UBE2K: variants seen among roughly 807,000 people sequenced by gnomAD.
UBE2K encodes ubiquitin conjugating enzyme E2 K, also known as ubiquitin-conjugating enzyme E2 K.
UBE2K carries 6 observed loss-of-function variants against 30.0 expected under a neutral mutation model. That is an observed-to-expected ratio of 0.20 (90% CI 0.11 to 0.39). The LOEUF (loss-of-function observed/expected upper bound fraction) is 0.39, where lower values mean the gene tolerates loss of function less well. Among genes scored for constraint, UBE2K ranks in the 10% least tolerant of loss-of-function variants. The probability of loss-of-function intolerance (pLI) is 1.00; values close to 1 mark genes in which losing one functional copy is unlikely to be tolerated. For synonymous variants in UBE2K, 86 were observed against 83.7 expected, an observed-to-expected ratio of 1.03 and a Z score of -0.15; for missense variants, 61 against 241.6, an observed-to-expected ratio of 0.25 and a Z score of 4.96.
intron 4 of UBE2K, among the ~76,000 whole-genome samples, chr4:39,771,530 C>T (rs877075): frequency 0.12 from 18,672 of 152,104 alleles, 1,284 homozygotes; most frequent in East Asian, 0.22. Context: ...AAGCGCCCCC[C>T]ACACACGGGC....
chr4:39,769,213 G>GTTTTTTTTTTTTTTTTGTTTTTTTTTT (rs60471860), intron 4 of UBE2K, among the ~76,000 whole-genome samples: 5 of 128,678 alleles, frequency 3.9e-5, no homozygotes, highest in Non-Finnish European at 6.7e-5. Context: ...GTTTCTTTTT[G>GTTTTTTTTTTTTTTTTGTTTTTTTTTT]TTTTTTTTTT....
intron 3 of UBE2K, among the ~76,000 whole-genome samples, chr4:39,753,303 CTGG>C (rs1190905783): frequency 6.6e-6 from 1 of 152,016 alleles, no homozygotes; most frequent in African/African-American, 2.4e-5. Context: ...TCACCTGAGT[CTGG>C]GAAGTTGAGG....
chr4:39,765,871 G>A (rs1422039767), intron 4 of UBE2K, among the ~76,000 whole-genome samples: 1 of 151,972 alleles, frequency 6.6e-6, no homozygotes, highest in East Asian at 1.9e-4. Context: ...ACTTTGGGAG[G>A]CCGAGGCGGA....
intron 4 of UBE2K, among the ~76,000 whole-genome samples, chr4:39,759,333 A>G (rs535760286): frequency 3.0e-4 from 45 of 152,122 alleles, no homozygotes; most frequent in Non-Finnish European, 5.1e-4. Context: ...CTGGAGTGCA[A>G]TGGTGCCATC....
At position 39,777,824 on chromosome 4, in the gene UBE2K, G is replaced by T; in HGVS notation, c.528+14G>T. 1 of 1,398,500 alleles carries T rather than the reference G, an allele frequency of 7.2e-7. No individual in the cohort carries two copies. Among genetic ancestry groups the T allele is most frequent in the Non-Finnish European group, 9.3e-7 (1 of 1,070,480 alleles). The allele number at this position is 1,398,500 out of a possible 1,614,324, so 86.6% of individuals were successfully genotyped here. A position where few individuals can be genotyped will look rare whatever the true frequency, so the allele number is the denominator to read the frequency against. On this transcript the variant is annotated intron_variant, in intron 6 of 6. Transcript: ENST00000261427. Reference sequence around the variant, plus strand: ...GGCTTTGATAGGGTAAGTACATAAGGGCATGTTGATTTTGATATATTGATT... The same window carrying T: ...GGCTTTGATAGGGTAAGTACATAAGTGCATGTTGATTTTGATATATTGATT...
intron 1 of UBE2K, among the ~76,000 whole-genome samples, chr4:39,717,792 T>G (rs184084663): frequency 1.3e-5 from 2 of 152,174 alleles, no homozygotes; most frequent in African/African-American, 4.8e-5. Flanking sequence ...TTCGGTTGTG[T>G]TCGGAGTTTC....
chr4:39,723,879 C>T lies in UBE2K; in HGVS notation c.64-13541C>T, dbSNP rs546406658. 5.9e-5 allele frequency among the ~76,000 whole-genome samples: 9 copies of T among 152,106 alleles called. No individual in the cohort carries two copies. In the East Asian group the frequency reaches 1.5e-3, roughly 26 times the overall value. ...GCAGGGTGGAGTGCAATGGCACAATCGCGGCTTATTGCTACCTCTGCCTCC... is the reference window on the plus strand; with the variant it reads ...GCAGGGTGGAGTGCAATGGCACAATTGCGGCTTATTGCTACCTCTGCCTCC... On this transcript the variant is annotated intron_variant, in intron 1 of 6. Coordinates refer to ENST00000261427, the MANE Select transcript of UBE2K (RefSeq NM_005339.5).
At chr4:39,752,724 A>T (rs1193951586) in intron 3 of UBE2K, among the ~76,000 whole-genome samples, 1 of 152,214 alleles carries the variant, frequency 6.6e-6, no homozygotes, top group Non-Finnish European at 1.5e-5. Context: ...AATAGTAAAT[A>T]GAGGTTGATT....
intron 4 of UBE2K, among the ~76,000 whole-genome samples, chr4:39,766,618 C>A (rs1712357311): frequency 6.6e-6 from 1 of 152,040 alleles, no homozygotes; most frequent in Non-Finnish European, 1.5e-5. Context: ...GCTGTGTTGC[C>A]CAAGCTGGCA....
At chr4:39,728,818 G>GTTT (rs150967559) in intron 1 of UBE2K, among the ~76,000 whole-genome samples, 6 of 129,906 alleles carry the variant, frequency 4.6e-5, no homozygotes, top group African/African-American at 1.6e-4. Flanking sequence ...GGTTTTTTTT[G>GTTT]TTTTTTTTGT....
At chr4:39,706,993 G>A (rs1057419443) in intron 1 of UBE2K, among the ~76,000 whole-genome samples, 3 of 152,090 alleles carry the variant, frequency 2.0e-5, no homozygotes, top group South Asian at 2.1e-4. Context: ...TGCAGCCTCC[G>A]CCTCCTGGCT....
chr4:39,770,654 C>T, intron 4 of UBE2K: 1 of 1,591,006 alleles, frequency 6.3e-7, no homozygotes, highest in Non-Finnish European at 8.6e-7. Flanking sequence ...AGCAGGCCTT[C>T]ACCACACCCT....
chr4:39,753,727 G>C (rs912325414), intron 3 of UBE2K, among the ~76,000 whole-genome samples: 1 of 152,232 alleles, frequency 6.6e-6, no homozygotes, highest in African/African-American at 2.4e-5. Flanking sequence ...TGAAGGCCCA[G>C]AACAGGGGAA....
At chr4:39,705,485 C>T (rs532527628) in intron 1 of UBE2K, among the ~76,000 whole-genome samples, 4 of 152,146 alleles carry the variant, frequency 2.6e-5, no homozygotes, top group African/African-American at 9.6e-5. Context: ...AGGCGTGAGC[C>T]ACCGTGCCCA....
At chr4:39,730,937 G>A (rs1223771373) in intron 1 of UBE2K, among the ~76,000 whole-genome samples, 1 of 150,022 alleles carries the variant, frequency 6.7e-6, no homozygotes, top group Non-Finnish European at 1.5e-5. Context: ...AGAATTTCAA[G>A]TAGCTGGGAT....
At chr4:39,742,469 G>T (rs1046251583) in intron 2 of UBE2K, among the ~76,000 whole-genome samples, 4 of 152,138 alleles carry the variant, frequency 2.6e-5, no homozygotes, top group Non-Finnish European at 5.9e-5. Flanking sequence ...AGGCATAACG[G>T]CTCATGCCTG....
intron 4 of UBE2K, chr4:39,770,435 G>T: frequency 6.2e-7 from 1 of 1,612,236 alleles, no homozygotes; most frequent in East Asian, 2.2e-5. Flanking sequence ...CCACGCCCTG[G>T]AACACTTCCG....
intron 3 of UBE2K, among the ~76,000 whole-genome samples, chr4:39,751,436 G>C (rs1721246541): frequency 6.6e-6 from 1 of 152,154 alleles, no homozygotes; most frequent in African/African-American, 2.4e-5. Flanking sequence ...ACTGTGGGAG[G>C]CTGAGGTGGG....
intron 4 of UBE2K, among the ~76,000 whole-genome samples, chr4:39,765,158 T>C (rs1712235654): frequency 6.6e-6 from 1 of 152,210 alleles, no homozygotes; most frequent in African/African-American, 2.4e-5. Flanking sequence ...GCGCTAGGAT[T>C]ATAGGCGTGA....
Sources: gnomAD v4.1 joint callset for allele counts (sites outside exome capture counted in the v4.1 genomes callset) on GRCh38, gnomAD v4.1.1 for gene constraint, MANE v1.5 for transcripts, NCBI Gene and HGNC (gene_info 2026-07-23, HGNC 2026-07-21) for gene names.